DLG2: variants seen among roughly 807,000 people sequenced by gnomAD.
DLG2 encodes the protein discs large MAGUK scaffold protein 2.
A neutral mutation model predicts 132.5 loss-of-function variants in DLG2; 45 were observed. The ratio of observed to expected loss-of-function variants is 0.34; its 90% confidence interval spans 0.27 to 0.44. The LOEUF (loss-of-function observed/expected upper bound fraction) is 0.44. Among genes scored for constraint, DLG2 ranks in the 20% least tolerant of loss-of-function variants. DLG2 has a pLI of 1.00. For missense variants in DLG2, 1,045 were observed against 1,196.9 expected (o/e 0.87, Z 1.87); for synonymous variants, 424 against 419.6 (o/e 1.01, Z -0.13).
intron 6 of DLG2, among the ~76,000 whole-genome samples, chr11:84,726,647 T>C (rs1012368042): frequency 7.2e-5 from 11 of 152,128 alleles, no homozygotes; most frequent in Non-Finnish European, 1.3e-4. Flanking sequence ...GATTGCTGGG[T>C]CAAACGGTAT....
At chr11:84,199,434 C>CA (rs767082357) in intron 8 of DLG2, among the ~76,000 whole-genome samples, 3 of 151,726 alleles carry the variant, frequency 2.0e-5, no homozygotes, top group Non-Finnish European at 4.4e-5. Flanking sequence ...ACAATACATG[C>CA]AAAAAAGCAA....
intron 5 of DLG2, among the ~76,000 whole-genome samples, chr11:85,150,797 T>C (rs758936430): frequency 1.3e-5 from 2 of 151,200 alleles, no homozygotes; most frequent in Non-Finnish European, 2.9e-5. Context: ...TTTGGGTTGC[T>C]TCCACCACTT....
intron 21 of DLG2, among the ~76,000 whole-genome samples, chr11:83,526,261 T>G (rs2095607207): frequency 1.3e-5 from 2 of 152,204 alleles, no homozygotes. Context: ...TGGTTTCCTA[T>G]TTTGCTTTCC....
At chr11:85,276,112 C>G (rs2152744780) in intron 4 of DLG2, among the ~76,000 whole-genome samples, 1 of 152,264 alleles carries the variant, frequency 6.6e-6, no homozygotes, top group African/African-American at 2.4e-5. Flanking sequence ...TTTTTCTTTA[C>G]TGTTACATTC....
At position 83,842,208 on chromosome 11, in the gene DLG2, T is replaced by C. The variant is rs1272150260; in HGVS notation, c.1566-8438A>G. 3.3e-5 allele frequency among the ~76,000 whole-genome samples: 5 copies of C among 152,266 alleles called. No individual in the cohort carries two copies. In the East Asian group the frequency reaches 9.7e-4, roughly 29 times the overall value. ...CTTACTCAGCTGGAGTCTCAGAGGA[T>C]CCTCTAAACTAGTCAGGATGTTTTG... On this transcript the variant is annotated intron_variant, in intron 16 of 27. Coordinates refer to ENST00000376104, the MANE Select transcript of DLG2 (RefSeq NM_001142699.3).
intron 19 of DLG2, among the ~76,000 whole-genome samples, chr11:83,594,119 C>T (rs2097243823): frequency 6.6e-6 from 1 of 152,202 alleles, no homozygotes; most frequent in Non-Finnish European, 1.5e-5. Flanking sequence ...CCCTGTATTT[C>T]CTGGACCCTT....
intron 4 of DLG2, among the ~76,000 whole-genome samples, chr11:85,188,700 A>T (rs2080306976): frequency 6.6e-6 from 1 of 152,230 alleles, no homozygotes; most frequent in South Asian, 2.1e-4. Context: ...ATTCTGAAGT[A>T]TAACATTTAA....
chr11:84,983,075 C>A, intron 6 of DLG2, among the ~76,000 whole-genome samples: 1 of 152,156 alleles, frequency 6.6e-6, no homozygotes, highest in South Asian at 2.1e-4. Context: ...TTATCCAGTG[C>A]AACAAGGCTG....
intron 4 of DLG2, among the ~76,000 whole-genome samples, chr11:85,185,080 C>G (rs1195501755): frequency 6.6e-6 from 1 of 151,804 alleles, no homozygotes; most frequent in Non-Finnish European, 1.5e-5. Flanking sequence ...TCTGCTTTTT[C>G]TTTTATTTCC....
intron 6 of DLG2, among the ~76,000 whole-genome samples, chr11:85,107,562 A>G (rs2071975156): frequency 6.6e-6 from 1 of 152,010 alleles, no homozygotes; most frequent in South Asian, 2.1e-4. Flanking sequence ...AGCCTAGTTC[A>G]CCCAGATTCA....
intron 10 of DLG2, among the ~76,000 whole-genome samples, chr11:84,093,479 T>C (rs1166634267): frequency 6.6e-6 from 1 of 152,200 alleles, no homozygotes; most frequent in Non-Finnish European, 1.5e-5. Context: ...GCTCATGTAA[T>C]TAGACCAGGT....
At chr11:85,271,274 A>T (rs770278764) in intron 4 of DLG2, among the ~76,000 whole-genome samples, 7 of 152,206 alleles carry the variant, frequency 4.6e-5, no homozygotes, top group Non-Finnish European at 1.0e-4. Context: ...GGGTACACAG[A>T]AGTCAAGAAT....
intron 4 of DLG2, among the ~76,000 whole-genome samples, chr11:85,271,810 T>C (rs2077551597): frequency 6.6e-6 from 1 of 152,232 alleles, no homozygotes; most frequent in African/African-American, 2.4e-5. Flanking sequence ...GTACCCCTAT[T>C]GTATCTAGGA....
intron 3 of DLG2, among the ~76,000 whole-genome samples, chr11:85,412,980 A>G (rs943875434): frequency 1.3e-5 from 2 of 151,722 alleles, no homozygotes; most frequent in African/African-American, 4.8e-5. Context: ...TATTTAAGAA[A>G]TCTCCAAACT....
intron 18 of DLG2, among the ~76,000 whole-genome samples, chr11:83,747,354 GCCT>G (rs2092998597): frequency 2.5e-4 from 33 of 130,676 alleles, no homozygotes; most frequent in Middle Eastern, 3.9e-3. Flanking sequence ...CTTCCTTCCT[GCCT>G]TCCTTCCTGT....
intron 4 of DLG2, among the ~76,000 whole-genome samples, chr11:85,194,993 A>G (rs2080919948): frequency 2.6e-5 from 4 of 152,238 alleles, no homozygotes. Flanking sequence ...TGGCTCTGCA[A>G]TAGTAGACAT....
At chr11:84,738,739 C>T (rs1211062431) in intron 6 of DLG2, among the ~76,000 whole-genome samples, 3 of 152,044 alleles carry the variant, frequency 2.0e-5, no homozygotes, top group Non-Finnish European at 4.4e-5. Context: ...AAAATTTAAA[C>T]ATAAATGTAT....
chr11:85,034,075 T>A (rs2061244659), intron 6 of DLG2, among the ~76,000 whole-genome samples: 1 of 141,926 alleles, frequency 7.0e-6, no homozygotes, highest in South Asian at 2.6e-4. Context: ...TGAGATATAT[T>A]AGATTTTTTT....
intron 6 of DLG2, among the ~76,000 whole-genome samples, chr11:84,802,745 G>T (rs1019752896): frequency 2.0e-5 from 3 of 151,970 alleles, no homozygotes; most frequent in Non-Finnish European, 4.4e-5. Flanking sequence ...TGTTAGGGGG[G>T]ATGAAAGTAG....
Sources: gnomAD v4.1 joint callset for allele counts (sites outside exome capture counted in the v4.1 genomes callset) on GRCh38, gnomAD v4.1.1 for gene constraint, MANE v1.5 for transcripts, NCBI Gene and HGNC (gene_info 2026-07-23, HGNC 2026-07-21) for gene names.